Variants in ROBO1 observed in about 807,000 individuals in gnomAD.
ROBO1 encodes roundabout guidance receptor 1, also known as roundabout homolog 1.
Under a neutral mutation model 195.9 loss-of-function variants are expected in ROBO1, and 149 were observed. The observed-to-expected ratio is 0.76, with a 90% confidence interval of 0.67 to 0.87. ROBO1 has a LOEUF of 0.87. ROBO1 is among the 40% of genes least tolerant of loss of function. The probability of loss-of-function intolerance (pLI) is 0.00; values close to 1 mark genes in which losing one functional copy is unlikely to be tolerated. For synonymous variants in ROBO1, 816 were observed against 733.2 expected (o/e 1.11, Z -1.82); for missense variants, 1,933 against 2,068.3 (o/e 0.93, Z 1.27).
intron 2 of ROBO1, among the ~76,000 whole-genome samples, chr3:79,358,274 T>G (rs1489852017): frequency 6.6e-6 from 1 of 152,250 alleles, no homozygotes; most frequent in Middle Eastern, 3.4e-3. Context: ...TCATTACATA[T>G]AGATACGGCT....
chr3:79,500,117 C>CTG (rs1559944090), intron 2 of ROBO1, among the ~76,000 whole-genome samples: 13 of 110,616 alleles, frequency 1.2e-4, no homozygotes, highest in African/African-American at 4.7e-4. Flanking sequence ...AGTAAGTTTT[C>CTG]TCTTTTTTTT....
At chr3:79,662,982 C>G (rs965926638) in intron 1 of ROBO1, among the ~76,000 whole-genome samples, 1 of 151,938 alleles carries the variant, frequency 6.6e-6, no homozygotes, top group African/African-American at 2.4e-5. Flanking sequence ...TTATTGACTG[C>G]TAGGCACACA....
intron 2 of ROBO1, among the ~76,000 whole-genome samples, chr3:79,140,794 T>C (rs1559688825): frequency 6.6e-6 from 1 of 152,184 alleles, no homozygotes; most frequent in Non-Finnish European, 1.5e-5. Flanking sequence ...ATGTCATTTT[T>C]GTCTAACTGT....
At chr3:79,640,328 C>CTCTCCCTTGCCTGCCACCAT (rs1945619932) in intron 1 of ROBO1, among the ~76,000 whole-genome samples, 2 of 151,012 alleles carry the variant, frequency 1.3e-5, no homozygotes, top group African/African-American at 2.4e-5. Flanking sequence ...AAATTTTCCT[C>CTCTCCCTTGCCTGCCACCAT]TCTCTCTTGC....
chr3:78,791,427 T>C (rs2084016528), intron 4 of ROBO1, among the ~76,000 whole-genome samples: 2 of 152,330 alleles, frequency 1.3e-5, no homozygotes, highest in South Asian at 2.1e-4. Context: ...TAAGCTGTGA[T>C]ACTGACACTT....
Position 79,386,728 on chromosome 3 carries a change from T to C in ROBO1, c.88+203096A>G, listed in dbSNP as rs1235509859. Among the ~76,000 whole-genome samples the C allele has an allele frequency of 2.0e-5, 3 of 152,134 alleles. No homozygotes were observed. In the East Asian group the frequency reaches 5.8e-4, roughly 29 times the overall value. On this transcript the variant is annotated intron_variant, in intron 2 of 30. Coordinates refer to ENST00000464233, the MANE Select transcript of ROBO1 (RefSeq NM_002941.4). ...AATACTTCCAAATAAATGCTGCCTG[T>C]ACTAAGATGAATAGATGAGAATTAT...
chr3:79,159,063 A>T (rs933913727), intron 2 of ROBO1, among the ~76,000 whole-genome samples: 1 of 151,952 alleles, frequency 6.6e-6, no homozygotes, highest in South Asian at 2.1e-4. Flanking sequence ...TTCAAGTAAA[A>T]TTTGCATTAT....
chr3:79,520,864 G>A, intron 2 of ROBO1, among the ~76,000 whole-genome samples: 1 of 151,646 alleles, frequency 6.6e-6, no homozygotes, highest in African/African-American at 2.4e-5. Context: ...TTTTATTTAT[G>A]AGAAAAATAC....
At chr3:79,467,307 G>A (rs370525885) in intron 2 of ROBO1, among the ~76,000 whole-genome samples, 51 of 151,994 alleles carry the variant, frequency 3.4e-4, no homozygotes, top group African/African-American at 3.4e-4. Context: ...GATTAGAAGA[G>A]GGCGGTTCCC....
At chr3:78,857,866 A>T (rs1311908132) in intron 4 of ROBO1, among the ~76,000 whole-genome samples, 2 of 152,174 alleles carry the variant, frequency 1.3e-5, no homozygotes, top group African/African-American at 4.8e-5. Context: ...TTTTCTCTGA[A>T]ATCAGTATTA....
intron 2 of ROBO1, among the ~76,000 whole-genome samples, chr3:79,328,396 T>C (rs990055418): frequency 4.6e-5 from 7 of 152,154 alleles, no homozygotes; most frequent in African/African-American, 1.7e-4. Flanking sequence ...TTCTCAATCT[T>C]AAATACAGGG....
intron 2 of ROBO1, among the ~76,000 whole-genome samples, chr3:79,322,091 A>G (rs1426446117): frequency 6.6e-6 from 1 of 152,186 alleles, no homozygotes; most frequent in East Asian, 1.9e-4. Context: ...TTTGCATAGA[A>G]TTTGAACTAA....
At chr3:79,018,683 G>A (rs1336387337) in intron 3 of ROBO1, 12 of 1,365,856 alleles carry the variant, frequency 8.8e-6, no homozygotes, top group Non-Finnish European at 1.0e-5. Context: ...TGTCTTCTCC[G>A]GCCCCAGGAT....
chr3:79,057,621 T>C (rs1013788843), intron 3 of ROBO1, among the ~76,000 whole-genome samples: 2 of 152,026 alleles, frequency 1.3e-5, no homozygotes, highest in African/African-American at 4.8e-5. Context: ...TCTATTACCC[T>C]GGAAATAACA....
chr3:78,762,080 G>A (rs2083119408), intron 4 of ROBO1, among the ~76,000 whole-genome samples: 1 of 151,980 alleles, frequency 6.6e-6, no homozygotes, highest in Non-Finnish European at 1.5e-5. Flanking sequence ...AATAATGCAA[G>A]ATTACATTTT....
intron 2 of ROBO1, among the ~76,000 whole-genome samples, chr3:79,260,382 C>T (rs969939440): frequency 1.3e-5 from 2 of 151,886 alleles, no homozygotes; most frequent in African/African-American, 4.8e-5. Flanking sequence ...AGATATATAT[C>T]TACGTTGTAT....
At chr3:78,782,456 C>T (rs576489598) in intron 4 of ROBO1, among the ~76,000 whole-genome samples, 10 of 152,200 alleles carry the variant, frequency 6.6e-5, no homozygotes, top group Non-Finnish European at 1.2e-4. Context: ...CTTGGCCTCC[C>T]GAAGTGCTGG....
At chr3:79,730,535 T>C (rs1055142828) in intron 1 of ROBO1, among the ~76,000 whole-genome samples, 14 of 151,872 alleles carry the variant, frequency 9.2e-5, no homozygotes, top group Non-Finnish European at 2.1e-4. Context: ...TGGGGGCCAA[T>C]AAAAAAAATT....
intron 3 of ROBO1, among the ~76,000 whole-genome samples, chr3:79,051,380 A>G (rs954956718): frequency 6.6e-6 from 1 of 152,188 alleles, no homozygotes; most frequent in Non-Finnish European, 1.5e-5. Flanking sequence ...CTCTGAATAG[A>G]CAAATAACAG....
Sources: allele counts gnomAD v4.1 joint callset (sites outside exome capture counted in the v4.1 genomes callset), GRCh38; gene constraint gnomAD v4.1.1; transcripts MANE v1.5; gene names NCBI Gene and HGNC (gene_info 2026-07-23, HGNC 2026-07-21).